The following AGBL4 variants were observed in gnomAD, a reference collection of about 807,000 sequenced individuals.
AGBL4 encodes AGBL carboxypeptidase 4.
A neutral mutation model predicts 66.4 loss-of-function variants in AGBL4; 58 were observed. That is an observed-to-expected ratio of 0.87 (90% CI 0.71 to 1.09). AGBL4 has a LOEUF of 1.09. Ranked by LOEUF, AGBL4 falls within the 50% of genes least tolerant of loss-of-function variation. AGBL4 has a pLI of 0.00. For missense variants in AGBL4, 579 were observed against 631.0 expected (o/e 0.92, Z 0.88); for synonymous variants, 234 against 222.9 (o/e 1.05, Z -0.44).
intron 4 of AGBL4, among the ~76,000 whole-genome samples, chr1:49,124,059 G>C (rs1199362034): frequency 1.3e-5 from 2 of 152,196 alleles, no homozygotes; most frequent in African/African-American, 2.4e-5. Context: ...AAGCTGGAAA[G>C]ATAGACATGG....
At chr1:49,620,781 C>T (rs1645344381) in intron 3 of AGBL4, among the ~76,000 whole-genome samples, 1 of 152,006 alleles carries the variant, frequency 6.6e-6, no homozygotes, top group African/African-American at 2.4e-5. Context: ...ATATTAGGTC[C>T]CTTCTCCCTA....
intron 6 of AGBL4, among the ~76,000 whole-genome samples, chr1:48,770,265 T>C (rs1030079946): frequency 2.0e-5 from 3 of 152,222 alleles, no homozygotes; most frequent in Non-Finnish European, 4.4e-5. Context: ...TTAGCTGTCC[T>C]ATCCTATGTC....
At chr1:49,167,213 T>A (rs1293016979) in intron 4 of AGBL4, among the ~76,000 whole-genome samples, 1 of 152,228 alleles carries the variant, frequency 6.6e-6, no homozygotes, top group Non-Finnish European at 1.5e-5. Context: ...AAGGCCAATA[T>A]GTTAAACTTA....
intron 3 of AGBL4, among the ~76,000 whole-genome samples, chr1:49,631,568 C>A (rs1645569810): frequency 6.6e-6 from 1 of 152,120 alleles, no homozygotes; most frequent in Non-Finnish European, 1.5e-5. Flanking sequence ...ATTTGTGTGG[C>A]CACCTTGTGC....
At chr1:49,282,415 G>T (rs1248326539) in intron 3 of AGBL4, among the ~76,000 whole-genome samples, 3 of 152,138 alleles carry the variant, frequency 2.0e-5, no homozygotes, top group Non-Finnish European at 4.4e-5. Context: ...TACAGAGATG[G>T]TTAGATGATG....
At chr1:48,747,048 A>G (rs1650881128) in intron 6 of AGBL4, among the ~76,000 whole-genome samples, 1 of 152,248 alleles carries the variant, frequency 6.6e-6, no homozygotes, top group African/African-American at 2.4e-5. Context: ...TTGGCAATTT[A>G]CATCTCATTA....
chr1:49,295,888 A>C (rs541593515), intron 3 of AGBL4, among the ~76,000 whole-genome samples: 1 of 152,304 alleles, frequency 6.6e-6, no homozygotes, highest in South Asian at 2.1e-4. Flanking sequence ...GAAGTGTTCA[A>C]GCCTCCATAG....
Position 50,014,367 on chromosome 1 carries a change from G to A in AGBL4, c.34+9396C>T, listed in dbSNP as rs530954797. On this transcript the variant is annotated intron_variant, in intron 1 of 13. Transcript: ENST00000371839. Reference sequence around the variant, plus strand: ...GCCTGGCCAAGTGGGACTTTGTCTCGAAAAAAAAAAAAGATAAAGAAAAAG... The same window carrying A: ...GCCTGGCCAAGTGGGACTTTGTCTCAAAAAAAAAAAAAGATAAAGAAAAAG... Among the ~76,000 whole-genome samples the A allele has an allele frequency of 1.7e-3, 242 of 138,766 alleles. 1 individual carries two copies. The highest frequency in any genetic ancestry group is 5.3e-3 in the African/African-American group (202 of 37,826). The allele number at this position is 138,766 out of a possible 152,430, so 91.0% of individuals were successfully genotyped here.
intron 8 of AGBL4, among the ~76,000 whole-genome samples, chr1:48,650,346 GC>G (rs2148438036): frequency 6.6e-6 from 1 of 152,292 alleles, no homozygotes; most frequent in East Asian, 1.9e-4. Context: ...TGAGAGAGAG[GC>G]AAAGACCTGG....
rs12095787 is a variant in AGBL4 at position 49,485,672 on chromosome 1, A to G, written c.282+211641T>C. Among the ~76,000 whole-genome samples, 656 of 151,880 alleles carry G rather than the reference A, an allele frequency of 4.3e-3. 7 individuals are homozygous for G. Among genetic ancestry groups the G allele is most frequent in the African/African-American group, 0.015 (614 of 41,482 alleles). The stretch of plus-strand genomic sequence containing the variant: ...AGAATGAGATCCTGTCATTTAGAAC[A>G]TGGATAGTATTGGAGGTGATTATGT... On this transcript the variant is annotated intron_variant, in intron 3 of 13. Coordinates refer to ENST00000371839, the MANE Select transcript of AGBL4 (RefSeq NM_032785.4).
intron 2 of AGBL4, among the ~76,000 whole-genome samples, chr1:49,757,314 A>T (rs1439189058): frequency 6.6e-6 from 1 of 152,258 alleles, no homozygotes; most frequent in Admixed American, 6.5e-5. Flanking sequence ...ATGTCAGTAT[A>T]GCAGTGTAAA....
intron 4 of AGBL4, among the ~76,000 whole-genome samples, chr1:49,235,134 T>C (rs1650618286): frequency 6.6e-6 from 1 of 152,210 alleles, no homozygotes; most frequent in Non-Finnish European, 1.5e-5. Flanking sequence ...CCTTAGTCTC[T>C]TTGTGTGCAA....
chr1:49,770,557 CT>C lies in AGBL4; in HGVS notation c.158-73121del, dbSNP rs538135195. Reference sequence around the variant, plus strand: ...AAAAAGAGTTTGAAAGTATTCCCTCCTCTTTAATTTCTGGAAAAGTTTGAGA... The same window carrying C: ...AAAAAGAGTTTGAAAGTATTCCCTCCCTTTAATTTCTGGAAAAGTTTGAGA... On this transcript the variant is annotated intron_variant, in intron 2 of 13. Transcript: ENST00000371839. 2.6e-5 allele frequency among the ~76,000 whole-genome samples: 4 copies of C among 152,240 alleles called. No individual in the cohort carries two copies. In the South Asian group the frequency reaches 8.3e-4, roughly 32 times the overall value.
intron 3 of AGBL4, among the ~76,000 whole-genome samples, chr1:49,574,156 A>G (rs1055700058): frequency 6.6e-6 from 1 of 152,142 alleles, no homozygotes; most frequent in Non-Finnish European, 1.5e-5. Flanking sequence ...GGTGTGCTAC[A>G]CTCGAACTGT....
At chr1:48,647,561 C>T in intron 8 of AGBL4, 1 of 442,002 alleles carries the variant, frequency 2.3e-6, no homozygotes, top group Non-Finnish European at 4.5e-6. Flanking sequence ...AGGTCTATGA[C>T]TGTTTACTTA....
chr1:49,013,909 T>C (rs1208893055), intron 5 of AGBL4, among the ~76,000 whole-genome samples: 4 of 152,324 alleles, frequency 2.6e-5, no homozygotes, highest in African/African-American at 9.6e-5. Context: ...CTACATTCTC[T>C]AGCAAGCCAT....
At chr1:49,106,873 A>G (rs919291569) in intron 4 of AGBL4, among the ~76,000 whole-genome samples, 6 of 152,256 alleles carry the variant, frequency 3.9e-5, no homozygotes, top group Admixed American at 2.6e-4. Context: ...TTTACTAGCA[A>G]AAGTGGGGTA....
chr1:49,633,936 A>G (rs1291402287), intron 3 of AGBL4, among the ~76,000 whole-genome samples: 1 of 145,822 alleles, frequency 6.9e-6, no homozygotes, highest in Non-Finnish European at 1.5e-5. Flanking sequence ...TATATATTTT[A>G]ATAAAATTAT....
chr1:49,626,019 A>G (rs910081652), intron 3 of AGBL4, among the ~76,000 whole-genome samples: 1 of 152,174 alleles, frequency 6.6e-6, no homozygotes, highest in African/African-American at 2.4e-5. Flanking sequence ...AACACTATCT[A>G]GCTGATAGTG....
Sources: gnomAD v4.1 joint callset for allele counts (sites outside exome capture counted in the v4.1 genomes callset) on GRCh38, gnomAD v4.1.1 for gene constraint, MANE v1.5 for transcripts, NCBI Gene and HGNC (gene_info 2026-07-23, HGNC 2026-07-21) for gene names.